Variants in GLRA2 observed in about 807,000 individuals in gnomAD.
GLRA2 encodes the protein glycine receptor subunit alpha-2.
A neutral mutation model predicts 31.6 loss-of-function variants in GLRA2; 11 were observed. The observed-to-expected ratio is 0.35, with a 90% CI of 0.22 to 0.58. The LOEUF (loss-of-function observed/expected upper bound fraction) is 0.58. Among genes scored for constraint, GLRA2 ranks in the 20% least tolerant of loss-of-function variants. GLRA2 has a pLI of 0.84. For missense variants in GLRA2, 212 were observed against 351.8 expected (o/e 0.60, Z 3.18); for synonymous variants, 132 against 134.0 (o/e 0.99, Z 0.10).
At chrX:14,460,050 A>G in the GLRA2 span, among the ~76,000 whole-genome samples, 3 of 111,974 alleles carry the variant, frequency 2.7e-5, no homozygotes, top group Non-Finnish European at 5.6e-5. Flanking sequence ...ACATTCCATC[A>G]ATACCTAGTT....
chrX:14,570,041 T>C (rs1391208001), intron 2 of GLRA2, among the ~76,000 whole-genome samples: 1 of 111,366 alleles, frequency 9.0e-6, no homozygotes, highest in African/African-American at 3.3e-5. Context: ...ATATCCTAAA[T>C]AGAGAAATTC....
At chrX:14,572,185 T>C (rs1170371408) in intron 2 of GLRA2, among the ~76,000 whole-genome samples, 1 of 112,308 alleles carries the variant, frequency 8.9e-6, no homozygotes, top group Non-Finnish European at 1.9e-5. Context: ...AAAACGAATA[T>C]ATAATGGTAT....
chrX:14,675,324 C>A, intron 7 of GLRA2, among the ~76,000 whole-genome samples: 1 of 111,614 alleles, frequency 9.0e-6, no homozygotes. Flanking sequence ...GAAACTCACA[C>A]GGATAGTAAG....
At chrX:14,718,827 C>T (rs960620213) in intron 8 of GLRA2, among the ~76,000 whole-genome samples, 1 of 111,574 alleles carries the variant, frequency 9.0e-6, no homozygotes, top group Non-Finnish European at 1.9e-5. Context: ...GGCTGCATTG[C>T]CTTTTATGAA....
chrX:14,466,783 C>T, the GLRA2 span, among the ~76,000 whole-genome samples: 1 of 112,143 alleles, frequency 8.9e-6, no homozygotes, highest in African/African-American at 3.2e-5. Flanking sequence ...ATCAAGGGAG[C>T]ATTAAATACT....
chrX:14,452,826 G>A, the GLRA2 span, among the ~76,000 whole-genome samples: 5 of 111,725 alleles, frequency 4.5e-5, no homozygotes, highest in African/African-American at 1.3e-4. Flanking sequence ...GTTTTAACCT[G>A]GATTCTTTCT....
rs144314987 is a variant in GLRA2 at position 14,690,096 on chromosome X, A to T, written c.931-614A>T. ...ATGTCAGTTAGGATCAGTAAATTGA[A>T]GAAAATTACAAATTGGCTTTTGAAG... On this transcript the variant is annotated intron_variant, in intron 7 of 8. Coordinates refer to ENST00000218075, the MANE Select transcript of GLRA2 (RefSeq NM_002063.4). Among the ~76,000 whole-genome samples the T allele has an allele frequency of 8.4e-3, 942 of 111,856 alleles. 9 individuals are homozygous for T. The highest frequency in any genetic ancestry group is 0.028 in the African/African-American group (861 of 30,843).
chrX:14,476,738 C>T, the GLRA2 span, among the ~76,000 whole-genome samples: 14 of 112,083 alleles, frequency 1.2e-4, no homozygotes, highest in African/African-American at 4.2e-4. Flanking sequence ...AATTGGACAA[C>T]GTAGCAAGTT....
At chrX:14,630,699 G>A (rs1457422755) in intron 7 of GLRA2, among the ~76,000 whole-genome samples, 1 of 110,513 alleles carries the variant, frequency 9.0e-6, no homozygotes, top group East Asian at 2.9e-4. Context: ...CACAGACTGG[G>A]TAATTTACAC....
At chrX:14,523,096 G>A in the GLRA2 span, among the ~76,000 whole-genome samples, 78 of 111,812 alleles carry the variant, frequency 7.0e-4, no homozygotes, top group African/African-American at 2.2e-3. Context: ...TGTTGTTTAC[G>A]CTAACCCCCT....
intron 2 of GLRA2, among the ~76,000 whole-genome samples, chrX:14,572,648 G>A (rs866756406): frequency 8.9e-6 from 1 of 112,423 alleles, no homozygotes; most frequent in Admixed American, 9.4e-5. Context: ...GCTGACATAA[G>A]AGGGGCCGGG....
At chrX:14,711,646 C>T (rs770519678) in intron 8 of GLRA2, among the ~76,000 whole-genome samples, 3 of 112,252 alleles carry the variant, frequency 2.7e-5, no homozygotes, top group Non-Finnish European at 5.6e-5. Context: ...GGCATGTAAA[C>T]TTTTAATGTA....
At chrX:14,686,372 T>G (rs1237260518) in intron 7 of GLRA2, among the ~76,000 whole-genome samples, 6 of 111,596 alleles carry the variant, frequency 5.4e-5, no homozygotes, top group Non-Finnish European at 1.1e-4. Flanking sequence ...ATATCCTTGT[T>G]AACTTTCTGT....
the GLRA2 span, among the ~76,000 whole-genome samples, chrX:14,484,344 G>A: frequency 1.8e-5 from 2 of 111,741 alleles, no homozygotes; most frequent in Non-Finnish European, 3.8e-5. Context: ...TGCATTCCTT[G>A]AGGAAGGGTT....
At chrX:14,702,451 T>A (rs756550504) in intron 8 of GLRA2, among the ~76,000 whole-genome samples, 1 of 112,240 alleles carries the variant, frequency 8.9e-6, no homozygotes, top group African/African-American at 3.2e-5. Flanking sequence ...ACTATTTTGG[T>A]TTGCCTTTTT....
the GLRA2 span, among the ~76,000 whole-genome samples, chrX:14,516,745 T>C: frequency 6.6e-4 from 74 of 111,742 alleles, no homozygotes; most frequent in African/African-American, 2.2e-3. Context: ...TACCTTCTTG[T>C]ACCCAGGCAC....
chrX:14,493,760 C>T, the GLRA2 span, among the ~76,000 whole-genome samples: 149 of 97,112 alleles, frequency 1.5e-3, 1 homozygote, highest in African/African-American at 5.8e-3. Flanking sequence ...TATATGTATA[C>T]ATATGTATAC....
chrX:14,661,506 T>C (rs113310593), intron 7 of GLRA2, among the ~76,000 whole-genome samples: 25 of 111,812 alleles, frequency 2.2e-4, no homozygotes, highest in African/African-American at 7.5e-4. Flanking sequence ...AAAAAATGTA[T>C]AGCTGACAGA....
the GLRA2 span, among the ~76,000 whole-genome samples, chrX:14,506,799 T>C: frequency 0.018 from 2,013 of 111,368 alleles, 54 homozygotes; most frequent in African/African-American, 0.062. Context: ...TGCCAAGGGA[T>C]GTATCCCTCC....
Sources: allele counts gnomAD v4.1 joint callset (sites outside exome capture counted in the v4.1 genomes callset), GRCh38; gene constraint gnomAD v4.1.1; transcripts MANE v1.5; gene names NCBI Gene and HGNC (gene_info 2026-07-23, HGNC 2026-07-21).